Variants in KIAA1671 observed in about 807,000 individuals in gnomAD.
KIAA1671 encodes the protein uncharacterized protein KIAA1671.
In KIAA1671, 52 loss-of-function variants were observed where a neutral mutation model predicts 131.2. That is an observed-to-expected ratio of 0.40 (90% CI 0.32 to 0.50). The LOEUF (loss-of-function observed/expected upper bound fraction) is 0.50. Ranked by LOEUF, KIAA1671 falls within the 20% of genes least tolerant of loss-of-function variation. KIAA1671 has a pLI of 0.73. For synonymous variants in KIAA1671, 1,003 were observed against 961.6 expected, an observed-to-expected ratio of 1.04 and a Z score of -0.80; for missense variants, 2,360 against 2,364.2, an observed-to-expected ratio of 1.00 and a Z score of 0.04.
chr22:24,976,782 C>T (rs1922938127), intron 1 of KIAA1671, among the ~76,000 whole-genome samples: 1 of 152,142 alleles, frequency 6.6e-6, no homozygotes, highest in African/African-American at 2.4e-5. Context: ...GTGCAAGAGA[C>T]GCACTGCCAG....
intron 1 of KIAA1671, among the ~76,000 whole-genome samples, chr22:24,973,416 T>TTTTTTA (rs1922741961): frequency 1.6e-5 from 2 of 128,026 alleles, no homozygotes; most frequent in African/African-American, 6.4e-5. Flanking sequence ...TTTTTTTTTT[T>TTTTTTA]GAGACGGAGT....
At chr22:24,970,062 G>A (rs1922519647) in intron 1 of KIAA1671, among the ~76,000 whole-genome samples, 1 of 152,194 alleles carries the variant, frequency 6.6e-6, no homozygotes, top group Non-Finnish European at 1.5e-5. Flanking sequence ...AACCAGTCCT[G>A]ATCTTTATCA....
intron 6 of KIAA1671, among the ~76,000 whole-genome samples, chr22:25,149,557 G>A (rs1294182259): frequency 1.3e-5 from 2 of 151,790 alleles, no homozygotes; most frequent in African/African-American, 4.8e-5. Flanking sequence ...TCCCTTCTCT[G>A]AGCCCTTCCT....
rs183235326 is a variant in KIAA1671 at position 25,173,476 on chromosome 22, A to G, written c.4650-764A>G. Among the ~76,000 whole-genome samples, 102 of 152,334 alleles carry G rather than the reference A, an allele frequency of 6.7e-4. No individual in the cohort carries two copies. The East Asian group carries it at 0.015, about 22-fold the overall frequency. On this transcript the variant is annotated intron_variant, in intron 7 of 12. Coordinates refer to ENST00000358431, the MANE Select transcript of KIAA1671 (RefSeq NM_001145206.2). ...TGCAGGTCCCACCACCTGCTCTTCC[A>G]TAGGTAACTGCTGATAACAATTTGA...
chr22:25,179,264 C>T (rs967221364), intron 9 of KIAA1671: 2 of 1,548,140 alleles, frequency 1.3e-6, no homozygotes, highest in African/African-American at 2.7e-5. Flanking sequence ...AAACCAAAAC[C>T]CGAACGTGTT....
intron 1 of KIAA1671, among the ~76,000 whole-genome samples, chr22:25,000,736 T>C (rs1360461765): frequency 1.3e-5 from 2 of 151,832 alleles, no homozygotes; most frequent in African/African-American, 2.4e-5. Context: ...GGGCTGGTCT[T>C]GAACTCCTGG....
At chr22:25,181,904 G>A in intron 10 of KIAA1671, 81 bp downstream of exon 10, 4 of 1,473,202 alleles carry the variant, frequency 2.7e-6, no homozygotes, top group Non-Finnish European at 3.7e-6. Flanking sequence ...CCGGCTGGGT[G>A]CAGTGGCTCA....
rs987103395 is a variant in KIAA1671 at position 24,983,957 on chromosome 22, T to C, written c.-208+31185T>C. Among the ~76,000 whole-genome samples, 28 of 151,906 alleles carry C rather than the reference T, an allele frequency of 1.8e-4. 1 individual carries two copies. The highest frequency in any genetic ancestry group is 1.8e-3 in the Admixed American group (28 of 15,254). On this transcript the variant is annotated intron_variant, in intron 1 of 12. Coordinates refer to ENST00000358431, the MANE Select transcript of KIAA1671 (RefSeq NM_001145206.2). ...CCACGCCCAGCTAACTTTGTGTTTT[T>C]AGTAGAGATGGGGTGTCTCCATGTT... is the stretch of plus-strand genomic sequence containing the variant.
At chr22:24,995,621 A>G (rs1003883837) in intron 1 of KIAA1671, among the ~76,000 whole-genome samples, 2 of 152,198 alleles carry the variant, frequency 1.3e-5, no homozygotes, top group African/African-American at 4.8e-5. Flanking sequence ...GGCCTCCCAA[A>G]GTGCTGGGAT....
intron 1 of KIAA1671, among the ~76,000 whole-genome samples, chr22:24,982,026 G>A (rs1308727705): frequency 6.6e-6 from 1 of 152,202 alleles, no homozygotes; most frequent in African/African-American, 2.4e-5. Context: ...TGTACATCAT[G>A]GATAAAGTAA....
At position 25,196,495 on chromosome 22, in the gene KIAA1671, C is replaced by T. The variant is rs567605465; in HGVS notation, c.*4094C>T. On this transcript the variant is annotated 3_prime_UTR_variant, in exon 13 of 13. Coordinates refer to ENST00000358431, the MANE Select transcript of KIAA1671 (RefSeq NM_001145206.2). ...TGTTGGCCAGGCTGGAATGCAGTGGCACAATCATAGCTCACTCCAGCCTCC... is the reference window on the plus strand; with the variant it reads ...TGTTGGCCAGGCTGGAATGCAGTGGTACAATCATAGCTCACTCCAGCCTCC... The T allele has an allele frequency of 1.2e-4, 18 of 151,984 alleles. No homozygotes were observed. In the East Asian group the frequency reaches 3.1e-3, roughly 26 times the overall value. 9.4% of individuals were successfully genotyped at this position (151,984 alleles called of 1,614,324 possible).
intron 11 of KIAA1671, chr22:25,185,807 T>C (rs1308136970): frequency 6.6e-6 from 1 of 152,148 alleles, no homozygotes; most frequent in Non-Finnish European, 1.5e-5. Flanking sequence ...AAGTGGGTTT[T>C]CTAACCTCCT....
intron 2 of KIAA1671, among the ~76,000 whole-genome samples, chr22:25,026,686 C>T (rs1055434643): frequency 6.6e-5 from 10 of 151,642 alleles, no homozygotes; most frequent in African/African-American, 1.5e-4. Context: ...GCCAAGGTCG[C>T]GCCATTGCAC....
At chr22:25,108,541 C>G (rs904456604) in intron 6 of KIAA1671, among the ~76,000 whole-genome samples, 1 of 152,128 alleles carries the variant, frequency 6.6e-6, no homozygotes, top group Admixed American at 6.5e-5. Flanking sequence ...AGTCCTGGGA[C>G]CTAGGAGGCT....
intron 1 of KIAA1671, among the ~76,000 whole-genome samples, chr22:25,000,742 C>T (rs552926794): frequency 6.6e-6 from 1 of 151,064 alleles, no homozygotes; most frequent in African/African-American, 2.4e-5. Context: ...GTCTTGAACT[C>T]CTGGCCTCAA....
At position 25,028,215 on chromosome 22, in the gene KIAA1671, G is replaced by A. The variant is rs941638668; in HGVS notation, c.216G>A (p.Ser72=). 899 of 1,551,264 alleles carry A rather than the reference G, an allele frequency of 5.8e-4. 3 individuals carry two copies. Among genetic ancestry groups the A allele is most frequent in the African/African-American group, 5.2e-3 (380 of 73,172 alleles). ...CAAGGCTCGCCCCCAAACCCTTCTC[G>A]AAGGAGCAGGACGTGAAATCTCCTG... The part of the protein sequence containing the change: ...PLPRLAPKPF[S]KEQDVKSPVP... Residue 72 remains serine (S), a synonymous_variant, in exon 3 of 13, where the codon TCG becomes TCA. Transcript: ENST00000358431.
At chr22:25,093,874 C>T (rs906004097) in intron 6 of KIAA1671, among the ~76,000 whole-genome samples, 1 of 127,288 alleles carries the variant, frequency 7.9e-6, no homozygotes, top group Non-Finnish European at 1.7e-5. Context: ...CTCTCTCTCT[C>T]TCTCTCTCTC....
chr22:25,039,966 A>G lies in KIAA1671; in HGVS notation c.2836A>G (p.Arg946Gly). ...CGGCGCCATGGACCAGAGAATGGAC[A>G]GATGGCGGCGGCGGACTTTACCCCC... ...KAGAMDQRMD[R>G]WRRRTLPPNV... Residue 946 changes from arginine to glycine, a missense_variant, in exon 5 of 13, where the codon AGA (arginine) becomes GGA (glycine). Physicochemically the swap from Arg to Gly is moderately radical, Grantham distance 125. Transcript: ENST00000358431. The G allele has an allele frequency of 3.2e-6, 5 of 1,551,264 alleles. No individual in the cohort carries two copies. The highest frequency in any genetic ancestry group is 4.4e-6 in the Non-Finnish European group (5 of 1,146,726).
intron 6 of KIAA1671, among the ~76,000 whole-genome samples, chr22:25,155,421 A>ATG (rs767259775): frequency 1.3e-5 from 2 of 150,956 alleles, no homozygotes; most frequent in East Asian, 3.9e-4. Context: ...GTATTTGTGT[A>ATG]TGTGTGTGTG....
Sources: gnomAD v4.1 joint callset for allele counts (sites outside exome capture counted in the v4.1 genomes callset) on GRCh38, gnomAD v4.1.1 for gene constraint, MANE v1.5 for transcripts, NCBI Gene and HGNC (gene_info 2026-07-23, HGNC 2026-07-21) for gene names.